Variants in MAPKBP1 observed in about 807,000 individuals in gnomAD.
MAPKBP1 encodes the protein mitogen-activated protein kinase binding protein 1.
A neutral mutation model predicts 170.5 loss-of-function variants in MAPKBP1; 71 were observed. That is an observed-to-expected ratio of 0.42 (90% confidence interval 0.34 to 0.51). The LOEUF (loss-of-function observed/expected upper bound fraction) is 0.51, where lower values mean the gene tolerates loss of function less well. Ranked by LOEUF, MAPKBP1 falls within the 20% of genes least tolerant of loss-of-function variation. The pLI is 0.06. For missense variants in MAPKBP1, 1,598 were observed against 1,933.0 expected (o/e 0.83, Z 3.25); for synonymous variants, 719 against 757.9 (o/e 0.95, Z 0.84).
At chr15:41,790,593 A>G (rs542169769) in intron 2 of MAPKBP1, among the ~76,000 whole-genome samples, 111 of 152,348 alleles carry the variant, frequency 7.3e-4, no homozygotes, top group South Asian at 2.7e-3. Flanking sequence ...AGTCTGGAGA[A>G]TTGACTCAGC....
Position 41,826,823 on chromosome 15 carries a change from G to A in MAPKBP1, c.*1387G>A, listed in dbSNP as rs1596105678. The A allele has an allele frequency of 1.3e-5, 2 of 152,026 alleles. No homozygotes were observed. The highest frequency in any genetic ancestry group is 1.9e-4 in the East Asian group (1 of 5,202). The allele number at this position is 152,026 out of a possible 1,614,324, so 9.4% of individuals were successfully genotyped here. A position where few individuals can be genotyped will look rare whatever the true frequency, so the allele number is the denominator to read the frequency against. ...AATTAGGGGTGAGGGAAAGGAGATA[G>A]GGGACCCTAGGAGGTAGAGTGGGAC... is the stretch of plus-strand genomic sequence containing the variant. On this transcript the variant is annotated 3_prime_UTR_variant, in exon 31 of 31. Coordinates refer to ENST00000457542, the MANE Select transcript of MAPKBP1 (RefSeq NM_014994.3).
rs985186618 is a variant in MAPKBP1 at position 41,813,544 on chromosome 15, G to A, written c.820-77G>A. The A allele has an allele frequency of 4.5e-6, 7 of 1,566,824 alleles. No individual in the cohort carries two copies. In the South Asian group the frequency reaches 6.8e-5, roughly 15 times the overall value. Reference sequence around the variant, plus strand: ...CTTGGCCGGTCCCTCCTCTTGGCAGGTGGCTGTTGATGGGTGGGGAGGAGA... The same window carrying A: ...CTTGGCCGGTCCCTCCTCTTGGCAGATGGCTGTTGATGGGTGGGGAGGAGA... On this transcript the variant is annotated intron_variant, in intron 8 of 30. Transcript: ENST00000457542.
chr15:41,824,161 C>G, intron 29 of MAPKBP1, 100 bp downstream of exon 29: 1 of 1,464,968 alleles, frequency 6.8e-7, no homozygotes, highest in Non-Finnish European at 9.1e-7. Flanking sequence ...GGTACAGCTT[C>G]TGGTGTTTCT....
chr15:41,804,926 C>T (rs920749638), intron 3 of MAPKBP1, among the ~76,000 whole-genome samples: 1 of 152,304 alleles, frequency 6.6e-6, no homozygotes, highest in South Asian at 2.1e-4. Context: ...TGGGGGCCAC[C>T]AGATTCTGTG....
chr15:41,784,893 T>TAAA (rs35451237), intron 2 of MAPKBP1, among the ~76,000 whole-genome samples: 39 of 105,652 alleles, frequency 3.7e-4, no homozygotes, highest in South Asian at 9.9e-4. Flanking sequence ...ACCCTATCTG[T>TAAA]AAAAAAAAAA....
Position 41,815,794 on chromosome 15 carries a change from A to G in MAPKBP1, c.1488A>G (p.Thr496=). ...TAGCATCAGGGGACCGTATGGGCAC[A>G]CTTAGGTAATGCCAGGCCCTGGGTG... ...QHLASGDRMG[T]LRVHELQSLS... The change falls in exon 12 of 31, where the codon ACA becomes ACG. Residue 496 remains threonine, a synonymous_variant. Transcript: ENST00000457542. 1 of 1,612,424 alleles carries G rather than the reference A, an allele frequency of 6.2e-7. No individual in the cohort carries two copies. The highest frequency in any genetic ancestry group is 8.5e-7 in the Non-Finnish European group (1 of 1,178,576).
At chr15:41,784,799 A>AG (rs1259719039) in intron 2 of MAPKBP1, among the ~76,000 whole-genome samples, 1 of 150,840 alleles carries the variant, frequency 6.6e-6, no homozygotes, top group Non-Finnish European at 1.5e-5. Context: ...AAAAAAAAAA[A>AG]AAATTAGCTG....
intron 5 of MAPKBP1, chr15:41,811,686 C>T (rs1822793846): frequency 6.1e-6 from 4 of 657,466 alleles, no homozygotes; most frequent in Non-Finnish European, 1.1e-5. Context: ...TGCCGGCTGC[C>T]CATCAGAACC....
Position 41,814,734 on chromosome 15 carries a change from G to A in MAPKBP1, c.1165G>A (p.Val389Met). The change falls in exon 10 of 31, where the codon GTG becomes ATG. Residue 389 changes from valine to methionine, a missense_variant. Coordinates refer to ENST00000457542, the MANE Select transcript of MAPKBP1 (RefSeq NM_014994.3). The part of the protein sequence containing the change: ...ALYHSSCVWS[V>M]EVYPEVKDSN... ...GTATCATTCTTCCTGCGTCTGGAGT[G>A]TGGAGGTATGTGGGCTGGCTGGCTG... is the stretch of plus-strand genomic sequence containing the variant. The A allele has an allele frequency of 1.2e-6, 2 of 1,613,894 alleles. No homozygotes were observed. The highest frequency in any genetic ancestry group is 1.7e-6 in the Non-Finnish European group (2 of 1,179,740).
At chr15:41,811,094 G>A in intron 4 of MAPKBP1, 84 bp from the exon 5 acceptor site, 1 of 1,562,232 alleles carries the variant, frequency 6.4e-7, no homozygotes, top group South Asian at 1.1e-5. Flanking sequence ...GGTGTCTGCT[G>A]GTCTCACCTT....
intron 12 of MAPKBP1, chr15:41,816,294 A>C: frequency 2.1e-6 from 1 of 473,248 alleles, no homozygotes; most frequent in South Asian, 3.7e-5. Flanking sequence ...AAAACTGGTG[A>C]AATTTGAATA....
Position 41,818,617 on chromosome 15 carries a change from C to G in MAPKBP1, c.2156+35C>G. ...AGCCAGCTTCCCTGAGAGGCAGATT[C>G]TTACTCTGCCACAGCACCCTGCCCT... is the stretch of plus-strand genomic sequence containing the variant. On this transcript the variant is annotated intron_variant, in intron 19 of 30. Coordinates refer to ENST00000457542, the MANE Select transcript of MAPKBP1 (RefSeq NM_014994.3). This position sits in a 1 kb window ranked among gnomAD's most constrained non-coding sequence, Gnocchi z 5.2. The G allele has an allele frequency of 6.3e-7, 1 of 1,581,372 alleles. No homozygotes were observed. Among genetic ancestry groups the G allele is most frequent in the South Asian group, 1.1e-5 (1 of 88,568 alleles).
In MAPKBP1 at chr15:41,813,226, T is replaced by C. The variant is rs975100720; in HGVS notation, c.819+125T>C. The C allele has an allele frequency of 1.8e-5, 27 of 1,510,838 alleles. No individual in the cohort carries two copies. The African/African-American group carries it at 2.9e-4, about 16-fold the overall frequency. The allele number at this position is 1,510,838 out of a possible 1,614,324, so 93.6% of individuals were successfully genotyped here. A position where few individuals can be genotyped will look rare whatever the true frequency, so the allele number is the denominator to read the frequency against. On this transcript the variant is annotated intron_variant, in intron 8 of 30. Transcript: ENST00000457542. The stretch of plus-strand genomic sequence containing the variant: ...ACGGGAGATCCCAGGAGAACGAAGC[T>C]TGGGGGAGCTAGAGCTTGGCCCATT...
chr15:41,823,995 C>T lies in MAPKBP1; in HGVS notation c.4147C>T (p.Pro1383Ser). ...AGGCCCTGAAAACTTGCAGCCCCCA[C>T]CCCCTGAGAAGACTCCCAACCCCAT... ...FQGPENLQPP[P>S]PEKTPNPMEC... Residue 1383 changes from proline to serine, a missense_variant, in exon 29 of 31, where the codon CCC becomes TCC. By Grantham distance (74) the Pro-to-Ser change is moderately conservative. Coordinates refer to ENST00000457542, the MANE Select transcript of MAPKBP1 (RefSeq NM_014994.3). The T allele has an allele frequency of 6.2e-7, 1 of 1,613,372 alleles. No individual in the cohort carries two copies.
Position 41,815,411 on chromosome 15 carries a change from C to T in MAPKBP1, c.1317+6C>T, listed in dbSNP as rs747788536. On this transcript the variant is annotated splice_donor_region_variant and intron_variant, in intron 11 of 30. Coordinates refer to ENST00000457542, the MANE Select transcript of MAPKBP1 (RefSeq NM_014994.3). The stretch of plus-strand genomic sequence containing the variant: ...ACCGAAACATCCTCAGCAGTGTGAG[C>T]CCTGAGGCTGTGGGGCCCCGCTTCA... 8.7e-6 allele frequency: 14 copies of T among 1,613,854 alleles called. No homozygotes were observed. Among genetic ancestry groups the T allele is most frequent in the Non-Finnish European group, 1.2e-5 (14 of 1,179,798 alleles).
intron 3 of MAPKBP1, among the ~76,000 whole-genome samples, chr15:41,800,167 A>G (rs2064564540): frequency 1.3e-5 from 2 of 152,186 alleles, no homozygotes; most frequent in Non-Finnish European, 2.9e-5. Context: ...TGTTACACAC[A>G]GTTCCCAGCA....
chr15:41,783,775 C>T (rs1596063204), intron 2 of MAPKBP1, among the ~76,000 whole-genome samples: 1 of 152,026 alleles, frequency 6.6e-6, no homozygotes, highest in South Asian at 2.1e-4. Flanking sequence ...TTTGGGAGGC[C>T]GAGGCGGGTG....
At position 41,819,274 on chromosome 15, in the gene MAPKBP1, G is replaced by A. The variant is rs1302159243; in HGVS notation, c.2320G>A (p.Gly774Arg). 2.5e-6 allele frequency: 4 copies of A among 1,614,086 alleles called. No individual in the cohort carries two copies. The South Asian group carries it at 3.3e-5, about 13-fold the overall frequency. The change falls in exon 21 of 31, where the codon GGA becomes AGA. Residue 774 changes from glycine to arginine, a missense_variant. Around this residue, in one of 6 missense-constraint regions of MAPKBP1, gnomAD observed 942 missense variants for 953.2 expected, o/e 0.99. Transcript: ENST00000457542. ...CCAGGCCCCATCAATGCTGTCTCCT[G>A]GACCGGCTCTCTCATCAGACAGTGA... ...RHQAPSMLSP[G>R]PALSSDSDKE...
rs539352804 is a variant in MAPKBP1 at position 41,827,808 on chromosome 15, C to T, written c.*2372C>T. ...GCGGGGGCGCTGTTTTTAACGTGCC[C>T]GTTTGTACTGATGTATGAACTTGTC... is the stretch of plus-strand genomic sequence containing the variant. On this transcript the variant is annotated 3_prime_UTR_variant, in exon 31 of 31. Transcript: ENST00000457542. The T allele has an allele frequency of 5.0e-4, 157 of 313,046 alleles. No individual in the cohort carries two copies. The highest frequency in any genetic ancestry group is 1.8e-3 in the Middle Eastern group (2 of 1,138). 19.4% of individuals were successfully genotyped at this position (313,046 alleles called of 1,614,324 possible).
Sources: allele counts gnomAD v4.1 joint callset (sites outside exome capture counted in the v4.1 genomes callset), GRCh38; gene constraint gnomAD v4.1.1; regional missense constraint gnomAD v4.1.1; non-coding constraint Gnocchi (gnomAD v3.1); transcripts MANE v1.5; gene names NCBI Gene and HGNC (gene_info 2026-07-23, HGNC 2026-07-21).